Variants in PCDHGA4 observed in about 807,000 individuals in gnomAD.
PCDHGA4 encodes protocadherin gamma subfamily A, 4, also known as protocadherin gamma-A4.
A neutral mutation model predicts 54.6 loss-of-function variants in PCDHGA4; 38 were observed. The ratio of observed to expected loss-of-function variants is 0.70; its 90% confidence interval spans 0.54 to 0.91. The LOEUF is 0.91. PCDHGA4 is among the 40% of genes least tolerant of loss of function. The probability of loss-of-function intolerance (pLI) is 0.00; values close to 1 mark genes in which losing one functional copy is unlikely to be tolerated. For missense variants in PCDHGA4, 1,298 were observed against 1,220.9 expected (o/e 1.06, Z -0.94); for synonymous variants, 511 against 512.9 (o/e 1.00, Z 0.05).
At chr5:141,483,737 G>A (rs1052778197) in intron 1 of PCDHGA4, among the ~76,000 whole-genome samples, 4 of 152,102 alleles carry the variant, frequency 2.6e-5, no homozygotes, top group South Asian at 2.1e-4. Context: ...TAGTCAAAAG[G>A]ATATTCCTGA....
intron 1 of PCDHGA4, among the ~76,000 whole-genome samples, chr5:141,463,966 A>C (rs923614502): frequency 4.6e-5 from 7 of 152,196 alleles, no homozygotes; most frequent in African/African-American, 1.7e-4. Context: ...AAATAGCTTC[A>C]TAAAACTCCA....
chr5:141,418,941 C>G, intron 1 of PCDHGA4: 1 of 1,614,034 alleles, frequency 6.2e-7, no homozygotes, highest in East Asian at 2.2e-5. Flanking sequence ...GAGGATTCCC[C>G]TCCAGGAGTG....
intron 1 of PCDHGA4, among the ~76,000 whole-genome samples, chr5:141,386,998 C>G (rs140459920): frequency 6.6e-6 from 1 of 152,058 alleles, no homozygotes; most frequent in African/African-American, 2.4e-5. Flanking sequence ...TGTATTATCC[C>G]CCTGATAACT....
At chr5:141,380,092 G>A (rs1776209529) in intron 1 of PCDHGA4, among the ~76,000 whole-genome samples, 1 of 151,708 alleles carries the variant, frequency 6.6e-6, no homozygotes, top group African/African-American at 2.4e-5. Context: ...TAGAGATGGG[G>A]TTTTACCATG....
chr5:141,378,022 A>G (rs1411303620), intron 1 of PCDHGA4: 2 of 152,188 alleles, frequency 1.3e-5, no homozygotes, highest in Non-Finnish European at 2.9e-5. Flanking sequence ...TACTTATATT[A>G]TTTTTTAAAA....
In PCDHGA4 at chr5:141,460,596, C is replaced by A. The variant is rs930441447; in HGVS notation, c.2515-34211C>A. On this transcript the variant is annotated intron_variant, in intron 1 of 3. Transcript: ENST00000571252. ...TGTAGGTGTGGGTTTTTTCTGGGCT[C>A]TCTGTGTTAGATGGATAGATAGACA... Among the ~76,000 whole-genome samples the A allele has an allele frequency of 1.3e-5, 2 of 151,986 alleles. 1 individual carries two copies. The highest frequency in any genetic ancestry group is 4.1e-4 in the South Asian group (2 of 4,824).
At chr5:141,414,394 A>G in intron 1 of PCDHGA4, 1 of 1,613,930 alleles carries the variant, frequency 6.2e-7, no homozygotes, top group Non-Finnish European at 8.5e-7. Flanking sequence ...CAGTTATTAC[A>G]GATTGGTGAT....
intron 1 of PCDHGA4, chr5:141,415,153 G>T: frequency 2.5e-6 from 4 of 1,613,780 alleles, no homozygotes; most frequent in Non-Finnish European, 3.4e-6. Context: ...CCCTCTCTCC[G>T]CCACTGTCAC....
At chr5:141,360,543 T>G (rs369225043) in intron 1 of PCDHGA4, 4 of 1,613,952 alleles carry the variant, frequency 2.5e-6, no homozygotes, top group Non-Finnish European at 3.4e-6. Flanking sequence ...TCAAACAGAC[T>G]AAGATTAATT....
At chr5:141,451,535 A>G (rs150174911) in intron 1 of PCDHGA4, among the ~76,000 whole-genome samples, 2 of 152,328 alleles carry the variant, frequency 1.3e-5, no homozygotes, top group Non-Finnish European at 2.9e-5. Flanking sequence ...GGAGAGTGCC[A>G]GAGAGGGCAA....
At position 141,486,038 on chromosome 5, in the gene PCDHGA4, G is replaced by T; in HGVS notation, c.2515-8769G>T. The stretch of plus-strand genomic sequence containing the variant: ...TTTCAGTGGTCATACCCCTGATCGT[G>T]TAAGAAACCTCTTTAGCCTGCACCC... On this transcript the variant is annotated intron_variant, in intron 1 of 3. Coordinates refer to ENST00000571252, the MANE Select transcript of PCDHGA4 (RefSeq NM_018917.4). This position sits in a 1 kb window ranked among gnomAD's most constrained non-coding sequence, Gnocchi z 5.0. The T allele has an allele frequency of 3.1e-6, 5 of 1,614,184 alleles. No individual in the cohort carries two copies. Among genetic ancestry groups the T allele is most frequent in the Non-Finnish European group, 4.2e-6 (5 of 1,180,018 alleles).
chr5:141,451,955 A>T (rs1004010741), intron 1 of PCDHGA4, among the ~76,000 whole-genome samples: 2 of 152,196 alleles, frequency 1.3e-5, no homozygotes, highest in Admixed American at 1.3e-4. Flanking sequence ...CGAGAAAGTG[A>T]CATACCATCA....
intron 1 of PCDHGA4, chr5:141,376,337 A>G (rs780979921): frequency 1.9e-6 from 3 of 1,613,924 alleles, no homozygotes; most frequent in Non-Finnish European, 2.5e-6. Context: ...TTTCCTGCAG[A>G]CCTATTCCCA....
At chr5:141,409,876 C>G in intron 1 of PCDHGA4, 1 of 1,612,874 alleles carries the variant, frequency 6.2e-7, no homozygotes, top group East Asian at 2.2e-5. Flanking sequence ...GCAATGACAA[C>G]GCACCGCGGG....
In PCDHGA4 at chr5:141,430,200, T is replaced by G. The variant is rs182960813; in HGVS notation, c.2515-64607T>G. Among the ~76,000 whole-genome samples the G allele has an allele frequency of 8.2e-4, 124 of 152,052 alleles. 2 individuals are homozygous for G. Among genetic ancestry groups the G allele is most frequent in the African/African-American group, 2.9e-3 (119 of 41,468 alleles). ...CCCAAATTATAGCTGAATCAGAAAG[T>G]TTAAATTATTATATTATATGATTTG... On this transcript the variant is annotated intron_variant, in intron 1 of 3. Transcript: ENST00000571252.
Position 141,431,663 on chromosome 5 carries a change from T to G in PCDHGA4, c.2515-63144T>G, listed in dbSNP as rs2097405149. ...ACTAGATTGTAATTCAGGGACAATA[T>G]CAACAATAGGGGAGTTGGACCACGA... On this transcript the variant is annotated intron_variant, in intron 1 of 3. Coordinates refer to ENST00000571252, the MANE Select transcript of PCDHGA4 (RefSeq NM_018917.4). The surrounding 1 kb of genome is among the most constrained non-coding windows in gnomAD (Gnocchi z 4.8). The G allele has an allele frequency of 6.2e-7, 1 of 1,614,168 alleles. No individual in the cohort carries two copies.
intron 1 of PCDHGA4, chr5:141,415,739 G>GTTTTT (rs1561759437): frequency 2.3e-6 from 1 of 434,538 alleles, no homozygotes; most frequent in African/African-American, 3.3e-5. Flanking sequence ...TGTTTATTAA[G>GTTTTT]GTTTTTTTTT....
intron 1 of PCDHGA4, among the ~76,000 whole-genome samples, chr5:141,456,935 C>T (rs894385178): frequency 5.9e-5 from 9 of 152,178 alleles, no homozygotes; most frequent in African/African-American, 2.2e-4. Context: ...TGCACTCCAG[C>T]CTGGGCAACA....
At chr5:141,500,348 A>G (rs2099799436) in intron 2 of PCDHGA4, among the ~76,000 whole-genome samples, 1 of 151,950 alleles carries the variant, frequency 6.6e-6, no homozygotes, top group Non-Finnish European at 1.5e-5. Context: ...AGCTGGGACT[A>G]CAGGCGCCCA....
Sources: allele counts gnomAD v4.1 joint callset (sites outside exome capture counted in the v4.1 genomes callset), GRCh38; gene constraint gnomAD v4.1.1; non-coding constraint Gnocchi (gnomAD v3.1); transcripts MANE v1.5; gene names NCBI Gene and HGNC (gene_info 2026-07-23, HGNC 2026-07-21).